AGBL1: variants seen among roughly 807,000 people sequenced by gnomAD.
AGBL1 encodes the protein cytosolic carboxypeptidase 4.
A neutral mutation model predicts 118.9 loss-of-function variants in AGBL1; 130 were observed. The observed-to-expected ratio is 1.09, with a 90% confidence interval of 0.95 to 1.26. The LOEUF (loss-of-function observed/expected upper bound fraction) is 1.26, where lower values mean the gene tolerates loss of function less well. Among genes scored for constraint, AGBL1 ranks in the 50% most tolerant of loss-of-function variants. The pLI is 0.00. For missense variants in AGBL1, 1,584 were observed against 1,298.1 expected (o/e 1.22, Z -3.38); for synonymous variants, 555 against 478.9 (o/e 1.16, Z -2.08).
At chr15:86,677,211 G>A (rs769252171) in intron 22 of AGBL1, among the ~76,000 whole-genome samples, 1 of 152,170 alleles carries the variant, frequency 6.6e-6, no homozygotes, top group Non-Finnish European at 1.5e-5. Flanking sequence ...AATATCCACA[G>A]AGCAACTCAA....
chr15:86,331,788 C>T (rs900550276), intron 17 of AGBL1, among the ~76,000 whole-genome samples: 1 of 152,170 alleles, frequency 6.6e-6, no homozygotes, highest in African/African-American at 2.4e-5. Flanking sequence ...TACAAGAGCT[C>T]CTTAAGTGAG....
chr15:86,735,787 T>C (rs2077586980), intron 22 of AGBL1, among the ~76,000 whole-genome samples: 2 of 152,254 alleles, frequency 1.3e-5, no homozygotes, highest in African/African-American at 4.8e-5. Flanking sequence ...TATTTTAAAA[T>C]GTACATAGGC....
At chr15:86,594,245 G>A (rs2084377294) in intron 21 of AGBL1, among the ~76,000 whole-genome samples, 1 of 151,982 alleles carries the variant, frequency 6.6e-6, no homozygotes, top group Admixed American at 6.6e-5. Context: ...GCATCCCGGG[G>A]ATAAAACATA....
chr15:86,134,424 C>G (rs2076858104), intron 1 of AGBL1, among the ~76,000 whole-genome samples: 1 of 152,064 alleles, frequency 6.6e-6, no homozygotes, highest in South Asian at 2.1e-4. Context: ...TTCTTTCAGT[C>G]TGGCAGGGCA....
At chr15:86,464,542 C>T (rs756313537) in intron 18 of AGBL1, among the ~76,000 whole-genome samples, 64 of 152,092 alleles carry the variant, frequency 4.2e-4, no homozygotes, top group Non-Finnish European at 8.8e-4. Flanking sequence ...ATGCTTCCAG[C>T]TTTTGCCCAT....
At chr15:86,367,811 A>G (rs933825173) in intron 17 of AGBL1, among the ~76,000 whole-genome samples, 1 of 152,198 alleles carries the variant, frequency 6.6e-6, no homozygotes, top group Admixed American at 6.5e-5. Flanking sequence ...TGAAAAGAAC[A>G]TAAGTCCAGA....
chr15:86,616,149 C>T (rs1358720293), intron 21 of AGBL1, among the ~76,000 whole-genome samples: 1 of 151,760 alleles, frequency 6.6e-6, no homozygotes, highest in Non-Finnish European at 1.5e-5. Flanking sequence ...CCAGCCTGGC[C>T]AACATGGTGA....
At chr15:86,364,027 T>G (rs904790465) in intron 17 of AGBL1, among the ~76,000 whole-genome samples, 15 of 152,198 alleles carry the variant, frequency 9.9e-5, no homozygotes, top group Non-Finnish European at 2.2e-4. Flanking sequence ...CCATCTCTAT[T>G]TTAGTGTGAT....
chr15:86,539,129 A>G (rs977344076), intron 19 of AGBL1, among the ~76,000 whole-genome samples: 3 of 152,212 alleles, frequency 2.0e-5, no homozygotes, highest in Non-Finnish European at 2.9e-5. Context: ...AGAGAGGGGA[A>G]TTGGTTTAGT....
At chr15:86,673,811 T>C (rs1200832675) in intron 21 of AGBL1, among the ~76,000 whole-genome samples, 1 of 152,200 alleles carries the variant, frequency 6.6e-6, no homozygotes, top group Non-Finnish European at 1.5e-5. Flanking sequence ...CAGTGTTCAG[T>C]ATTTATATAT....
intron 17 of AGBL1, among the ~76,000 whole-genome samples, chr15:86,299,150 C>T (rs981574435): frequency 1.3e-5 from 2 of 152,038 alleles, no homozygotes; most frequent in Non-Finnish European, 2.9e-5. Context: ...GAAATGCTCC[C>T]AATAAAGAAG....
intron 18 of AGBL1, among the ~76,000 whole-genome samples, chr15:86,511,496 A>G (rs1002306250): frequency 2.6e-5 from 4 of 152,050 alleles, no homozygotes; most frequent in African/African-American, 9.7e-5. Context: ...TCTTATAAGT[A>G]ACTGTCCTCT....
intron 22 of AGBL1, among the ~76,000 whole-genome samples, chr15:86,845,936 G>A (rs1363959934): frequency 2.6e-5 from 4 of 152,114 alleles, no homozygotes; most frequent in African/African-American, 7.2e-5. Flanking sequence ...ACCCAGTGAA[G>A]CATAAAAGCC....
chr15:86,568,672 G>T (rs2083955718), intron 21 of AGBL1, among the ~76,000 whole-genome samples: 1 of 152,188 alleles, frequency 6.6e-6, no homozygotes. Flanking sequence ...AGCAGCATCT[G>T]GGATTTGTTA....
downstream of AGBL1, among the ~76,000 whole-genome samples, chr15:87,031,086 C>T (rs996130040): frequency 3.9e-5 from 6 of 151,972 alleles, no homozygotes; most frequent in Middle Eastern, 3.2e-3. Context: ...TCTTCAATTC[C>T]CACTACAATA....
chr15:86,766,740 C>A (rs1010870071), intron 22 of AGBL1, among the ~76,000 whole-genome samples: 1 of 151,852 alleles, frequency 6.6e-6, no homozygotes, highest in Non-Finnish European at 1.5e-5. Flanking sequence ...ACAGTTCTAA[C>A]CCTCAAAAAT....
intron 22 of AGBL1, among the ~76,000 whole-genome samples, chr15:86,848,472 T>C (rs1206286695): frequency 3.9e-5 from 6 of 152,198 alleles, no homozygotes; most frequent in Non-Finnish European, 7.3e-5. Flanking sequence ...CTCTGCTCAT[T>C]TCTGTTATAT....
chr15:86,433,146 A>G (rs565752444), intron 18 of AGBL1, among the ~76,000 whole-genome samples: 17 of 152,098 alleles, frequency 1.1e-4, no homozygotes, highest in Non-Finnish European at 2.5e-4. Context: ...AGAAGAAGCC[A>G]CTTCCTGGCC....
At chr15:87,026,734 C>T (rs1270718532) in intron 24 of AGBL1, among the ~76,000 whole-genome samples, 1 of 152,078 alleles carries the variant, frequency 6.6e-6, no homozygotes, top group Non-Finnish European at 1.5e-5. Flanking sequence ...GTGGACCCAA[C>T]TCAAATGCCC....
Sources: gnomAD v4.1 joint callset for allele counts (sites outside exome capture counted in the v4.1 genomes callset) on GRCh38, gnomAD v4.1.1 for gene constraint, MANE v1.5 for transcripts, NCBI Gene and HGNC (gene_info 2026-07-23, HGNC 2026-07-21) for gene names.